The following RGS9 variants were observed in gnomAD, a reference collection of about 807,000 sequenced individuals.
RGS9 encodes regulator of G protein signaling 9, also known as regulator of G-protein signalling 9.
A neutral mutation model predicts 102.0 loss-of-function variants in RGS9; 78 were observed. The ratio of observed to expected loss-of-function variants is 0.76; its 90% CI spans 0.64 to 0.92. The LOEUF (loss-of-function observed/expected upper bound fraction) is 0.92, where lower values mean the gene tolerates loss of function less well. Ranked by LOEUF, RGS9 falls within the 40% of genes least tolerant of loss-of-function variation. RGS9 has a pLI of 0.00. For synonymous variants in RGS9, 353 were observed against 318.6 expected, an observed-to-expected ratio of 1.11 and a Z score of -1.15; for missense variants, 833 against 866.1, an observed-to-expected ratio of 0.96 and a Z score of 0.48.
intron 17 of RGS9, among the ~76,000 whole-genome samples, chr17:65,220,474 C>G (rs1427110082): frequency 6.6e-6 from 1 of 151,960 alleles, no homozygotes; most frequent in African/African-American, 2.4e-5. Flanking sequence ...AGGTCTTGTG[C>G]TAGACTGTGT....
At chr17:65,194,364 G>A (rs1216304774) in intron 12 of RGS9, among the ~76,000 whole-genome samples, 1 of 152,124 alleles carries the variant, frequency 6.6e-6, no homozygotes, top group East Asian at 1.9e-4. Context: ...ATGAACATTC[G>A]TGGGCAGGTT....
chr17:65,139,441 A>G (rs1232733908), intron 1 of RGS9, among the ~76,000 whole-genome samples: 2 of 151,834 alleles, frequency 1.3e-5, no homozygotes, highest in African/African-American at 4.8e-5. Context: ...CGCTCCCACC[A>G]TCTTCCTGGC....
At chr17:65,176,974 C>G (rs978940046) in intron 8 of RGS9, among the ~76,000 whole-genome samples, 1 of 145,880 alleles carries the variant, frequency 6.9e-6, no homozygotes, top group Non-Finnish European at 1.5e-5. Context: ...CCCTCCTTCC[C>G]TTCCTCCATC....
In RGS9 at chr17:65,210,574, G is replaced by A. The variant is rs770786327; in HGVS notation, c.1376G>A (p.Arg459Gln). ...CAGCTGGAAGAGGAAGCCAAGGCCC[G>A]AGAAGCAGCCAACACTGTGGACATC... ...LRQLEEEAKA[R>Q]EAANTVDITQ... The change falls in exon 17 of 19, where the codon CGA becomes CAA. Residue 459 changes from arginine to glutamine, a missense_variant. Arg to Gln is a conservative substitution (Grantham distance 43). Transcript: ENST00000262406. The A allele has an allele frequency of 6.2e-6, 10 of 1,613,920 alleles. No individual in the cohort carries two copies. In the African/African-American group the frequency reaches 6.7e-5, roughly 11 times the overall value.
At chr17:65,160,825 GA>G (rs1303428944) in intron 5 of RGS9, 25 bp from the exon 6 acceptor site, 6 of 1,611,670 alleles carry the variant, frequency 3.7e-6, no homozygotes, top group Non-Finnish European at 5.1e-6. Context: ...GATGATGATG[GA>G]AAATGTCATT....
chr17:65,143,161 A>T (rs1360576587), intron 1 of RGS9, among the ~76,000 whole-genome samples: 1 of 152,136 alleles, frequency 6.6e-6, no homozygotes, highest in African/African-American at 2.4e-5. Context: ...TTAGGTTGTC[A>T]TAACTGGGGG....
In RGS9 at chr17:65,174,829, A is replaced by G. The variant is rs186991167; in HGVS notation, c.583-2903A>G. ...GCTGGGGAAGTCTCAGGAAACTTACAATCATGGCGGAACGGGAAAAGGCAC... is the reference window on the plus strand; with the variant it reads ...GCTGGGGAAGTCTCAGGAAACTTACGATCATGGCGGAACGGGAAAAGGCAC... On this transcript the variant is annotated intron_variant, in intron 8 of 18. Transcript: ENST00000262406. 9.2e-5 allele frequency among the ~76,000 whole-genome samples: 14 copies of G among 152,294 alleles called. No individual in the cohort carries two copies. In the East Asian group the frequency reaches 2.7e-3, roughly 29 times the overall value.
intron 17 of RGS9, among the ~76,000 whole-genome samples, chr17:65,215,627 C>G (rs762838035): frequency 3.3e-5 from 5 of 150,752 alleles, no homozygotes; most frequent in African/African-American, 4.8e-5. Context: ...CTTCCAAGTT[C>G]AAGCCATTCC....
chr17:65,196,328 C>T (rs1912584112), intron 12 of RGS9, among the ~76,000 whole-genome samples: 1 of 152,162 alleles, frequency 6.6e-6, no homozygotes, highest in South Asian at 2.1e-4. Context: ...ATGAATTGTG[C>T]CTGGTTCTGG....
At chr17:65,225,688 A>C (rs978928411) in intron 18 of RGS9, 5 of 653,904 alleles carry the variant, frequency 7.6e-6, no homozygotes, top group African/African-American at 7.3e-5. Flanking sequence ...GAGAAGGAAC[A>C]GGTGTCCTTC....
chr17:65,179,735 G>A (rs1911787498), intron 9 of RGS9, among the ~76,000 whole-genome samples: 1 of 151,428 alleles, frequency 6.6e-6, no homozygotes, highest in Non-Finnish European at 1.5e-5. Flanking sequence ...GGAAGCTAAG[G>A]AGCTGAGCTG....
intron 9 of RGS9, among the ~76,000 whole-genome samples, chr17:65,180,419 G>A (rs1400364680): frequency 1.3e-5 from 2 of 152,066 alleles, no homozygotes; most frequent in Non-Finnish European, 2.9e-5. Context: ...CGTGATCTCG[G>A]CTCACTGCAA....
At position 65,197,140 on chromosome 17, in the gene RGS9, C is replaced by T; in HGVS notation, c.875C>T (p.Thr292Ile). The change falls in exon 13 of 19, where the codon ACC becomes ATC. Residue 292 changes from threonine (T) to isoleucine (I), a missense_variant. Coordinates refer to ENST00000262406, the MANE Select transcript of RGS9 (RefSeq NM_003835.4). ...DLNAKLVEIP[T>I]KMRVERWAFN... ...CATCCTTGCAGGGTGGAAATCCCAA[C>T]CAAGATGCGAGTGGAACGATGGGCC... is the stretch of plus-strand genomic sequence containing the variant. 6.2e-7 allele frequency: 1 copy of T among 1,613,400 alleles called. No homozygotes were observed. Among genetic ancestry groups the T allele is most frequent in the East Asian group, 2.2e-5 (1 of 44,860 alleles).
intron 2 of RGS9, among the ~76,000 whole-genome samples, chr17:65,153,730 A>G (rs1265828704): frequency 6.6e-6 from 1 of 151,960 alleles, no homozygotes; most frequent in Admixed American, 6.6e-5. Context: ...TCTCTATTAA[A>G]ATACAAAAAA....
At chr17:65,182,760 C>A (rs141422783) in intron 9 of RGS9, among the ~76,000 whole-genome samples, 8 of 152,332 alleles carry the variant, frequency 5.3e-5, no homozygotes, top group African/African-American at 1.9e-4. Flanking sequence ...CTCTCCACCC[C>A]ACAAGGCCTA....
At chr17:65,202,542 G>C (rs182486458) in intron 14 of RGS9, among the ~76,000 whole-genome samples, 120 of 151,980 alleles carry the variant, frequency 7.9e-4, no homozygotes, top group African/African-American at 2.8e-3. Flanking sequence ...AGGAACACAG[G>C]GGAAGGGAGC....
intron 17 of RGS9, among the ~76,000 whole-genome samples, chr17:65,224,361 G>A (rs1006388665): frequency 2.4e-5 from 3 of 127,204 alleles, no homozygotes; most frequent in Admixed American, 2.2e-4. Context: ...CTTCTCCCCA[G>A]CCTGGCCTGG....
intron 7 of RGS9, among the ~76,000 whole-genome samples, chr17:65,164,967 T>A (rs1410544898): frequency 6.6e-6 from 1 of 152,208 alleles, no homozygotes; most frequent in Non-Finnish European, 1.5e-5. Context: ...CTGAAGTCAC[T>A]TGGTGAGATA....
chr17:65,204,758 T>A (rs945544036), intron 15 of RGS9, among the ~76,000 whole-genome samples: 2 of 152,108 alleles, frequency 1.3e-5, no homozygotes, highest in East Asian at 3.8e-4. Context: ...ATAACAGCCA[T>A]CATTCGTTGA....
Sources: allele counts gnomAD v4.1 joint callset (sites outside exome capture counted in the v4.1 genomes callset), GRCh38; gene constraint gnomAD v4.1.1; transcripts MANE v1.5; gene names NCBI Gene and HGNC (gene_info 2026-07-23, HGNC 2026-07-21).